Variants in NSG2 observed in about 807,000 individuals in gnomAD.
NSG2 encodes neuronal vesicle trafficking associated 2, also known as neuronal vesicle trafficking-associated protein 2.
In NSG2, 4 loss-of-function variants were observed where a neutral mutation model predicts 16.9. That is an observed-to-expected ratio of 0.24 (90% CI 0.12 to 0.54). NSG2 has a LOEUF of 0.54. Among genes scored for constraint, NSG2 ranks in the 20% least tolerant of loss-of-function variants. NSG2 has a pLI of 0.95. For missense variants in NSG2, 179 were observed against 221.1 expected (o/e 0.81, Z 1.21); for synonymous variants, 98 against 88.7 (o/e 1.11, Z -0.59).
intron 4 of NSG2, among the ~76,000 whole-genome samples, chr5:174,106,872 C>A (rs979469231): frequency 6.6e-6 from 1 of 152,020 alleles, no homozygotes; most frequent in South Asian, 2.1e-4. Flanking sequence ...GAATTACAGG[C>A]GTGAGCCACC....
chr5:174,080,525 TTCTCTCTCTC>T (rs72447938), intron 3 of NSG2, among the ~76,000 whole-genome samples: 1 of 125,248 alleles, frequency 8.0e-6, no homozygotes, highest in South Asian at 2.7e-4. Flanking sequence ...CTTTCTTTCT[TTCTCTCTCTC>T]TCTCTCTCTC....
intron 2 of NSG2, among the ~76,000 whole-genome samples, chr5:174,060,059 G>A (rs1760024926): frequency 6.6e-6 from 1 of 152,200 alleles, no homozygotes; most frequent in African/African-American, 2.4e-5. Flanking sequence ...CACACAGTGA[G>A]GCAGGGGTGG....
chr5:174,068,233 T>A (rs185202571), intron 3 of NSG2, among the ~76,000 whole-genome samples: 1 of 152,276 alleles, frequency 6.6e-6, no homozygotes, highest in African/African-American at 2.4e-5. Flanking sequence ...TTCATGGCAA[T>A]TATTCTGTAA....
At chr5:174,068,936 G>A (rs1441276712) in intron 3 of NSG2, among the ~76,000 whole-genome samples, 1 of 151,076 alleles carries the variant, frequency 6.6e-6, no homozygotes, top group African/African-American at 2.4e-5. Context: ...TGGTGTCATG[G>A]GGATCCTGGT....
At chr5:174,046,354 CG>C (rs60922236) in intron 1 of NSG2, among the ~76,000 whole-genome samples, 23,775 of 148,288 alleles carry the variant, frequency 0.16, 2,446 homozygotes, top group African/African-American at 0.3. Context: ...ATACTGCAGG[CG>C]GGGGGGGTGG....
At chr5:174,087,561 C>G (rs1760649241) in intron 3 of NSG2, among the ~76,000 whole-genome samples, 1 of 151,976 alleles carries the variant, frequency 6.6e-6, no homozygotes, top group Non-Finnish European at 1.5e-5. Context: ...AGGAGGGTTA[C>G]TTGAAGCCAA....
intron 3 of NSG2, among the ~76,000 whole-genome samples, chr5:174,069,726 G>T (rs1011825306): frequency 4.6e-5 from 7 of 152,012 alleles, no homozygotes; most frequent in African/African-American, 1.5e-4. Context: ...GCCTCTCTTT[G>T]CAGGCTTTTC....
intron 2 of NSG2, among the ~76,000 whole-genome samples, chr5:174,047,097 C>T (rs1759813812): frequency 6.6e-6 from 1 of 152,084 alleles, no homozygotes; most frequent in Non-Finnish European, 1.5e-5. Flanking sequence ...TTGTTCATAT[C>T]TGCATAAATG....
At chr5:174,069,565 G>A (rs1244593755) in intron 3 of NSG2, among the ~76,000 whole-genome samples, 5 of 152,174 alleles carry the variant, frequency 3.3e-5, no homozygotes, top group African/African-American at 1.2e-4. Context: ...AATAAAACCA[G>A]ACAATAATAA....
intron 3 of NSG2, among the ~76,000 whole-genome samples, chr5:174,081,849 C>A (rs916414443): frequency 7.1e-6 from 1 of 140,812 alleles, no homozygotes; most frequent in African/African-American, 2.7e-5. Flanking sequence ...AAGATGGCAC[C>A]ACTGCACTCC....
intron 4 of NSG2, among the ~76,000 whole-genome samples, chr5:174,106,282 A>G (rs1352162953): frequency 6.6e-6 from 1 of 152,228 alleles, no homozygotes. Flanking sequence ...AAAAATAAAT[A>G]CATGAGAAAA....
At chr5:174,087,297 G>T (rs758886138) in intron 3 of NSG2, among the ~76,000 whole-genome samples, 2 of 152,130 alleles carry the variant, frequency 1.3e-5, no homozygotes, top group Non-Finnish European at 1.5e-5. Flanking sequence ...CCACTCCAGA[G>T]GCTGTGGAGT....
At chr5:174,063,618 A>G (rs1205047355) in intron 2 of NSG2, among the ~76,000 whole-genome samples, 1 of 151,180 alleles carries the variant, frequency 6.6e-6, no homozygotes, top group Non-Finnish European at 1.5e-5. Flanking sequence ...TGGTATATAT[A>G]TTTTTGGGGT....
intron 3 of NSG2, among the ~76,000 whole-genome samples, chr5:174,085,110 A>G (rs1760583957): frequency 6.6e-6 from 1 of 152,246 alleles, no homozygotes; most frequent in Non-Finnish European, 1.5e-5. Flanking sequence ...TGGCTATTTT[A>G]GTGGCAGGAA....
At chr5:174,084,328 C>T (rs533591902) in intron 3 of NSG2, among the ~76,000 whole-genome samples, 14 of 152,228 alleles carry the variant, frequency 9.2e-5, no homozygotes, top group Admixed American at 2.0e-4. Flanking sequence ...ATAAGATGAG[C>T]GAAACAAGTT....
At chr5:174,050,708 C>T (rs1214943514) in intron 2 of NSG2, among the ~76,000 whole-genome samples, 3 of 152,294 alleles carry the variant, frequency 2.0e-5, no homozygotes, top group South Asian at 4.2e-4. Context: ...CTGGCAGGCT[C>T]CTGGACCTGG....
intron 3 of NSG2, among the ~76,000 whole-genome samples, chr5:174,096,683 G>T (rs1760798597): frequency 6.6e-6 from 1 of 152,094 alleles, no homozygotes; most frequent in African/African-American, 2.4e-5. Context: ...CAGGGGAGAG[G>T]TGATGGTGGT....
rs577167613 is a variant in NSG2 at position 174,078,006 on chromosome 5, A to AT, written c.213+13693dup. On this transcript the variant is annotated intron_variant, in intron 3 of 4. Transcript: ENST00000303177. ...TGTTGTCTACATCTGTGCTGTCCAA[A>AT]TTGGAAGCCCCTAGCCACCTGTGGC... Among the ~76,000 whole-genome samples the AT allele has an allele frequency of 1.1e-3, 172 of 152,306 alleles. 3 individuals are homozygous for AT. In the South Asian group the frequency reaches 0.034, roughly 30 times the overall value.
rs1279343999 is a variant in NSG2, at chr5:174,107,629, G to A, written c.*124G>A. ...TGGGGGCGGGGGCGGGGCAGGGCAG[G>A]GTGGGGGGAAGAACGCACCAAAAAC... On this transcript the variant is annotated 3_prime_UTR_variant, in exon 5 of 5. Transcript: ENST00000303177. The surrounding 1 kb of genome is among the most constrained non-coding windows in gnomAD (Gnocchi z 4.5). 1.5e-5 allele frequency: 13 copies of A among 840,218 alleles called. No individual in the cohort carries two copies. The Admixed American group carries it at 2.4e-4, about 16-fold the overall frequency. The allele number at this position is 840,218 out of a possible 1,614,324, so 52.0% of individuals were successfully genotyped here.
Sources: allele counts gnomAD v4.1 joint callset (sites outside exome capture counted in the v4.1 genomes callset), GRCh38; gene constraint gnomAD v4.1.1; non-coding constraint Gnocchi (gnomAD v3.1); transcripts MANE v1.5; gene names NCBI Gene and HGNC (gene_info 2026-07-23, HGNC 2026-07-21).